The following COL23A1 variants were observed in gnomAD, a reference collection of about 807,000 sequenced individuals.
COL23A1 encodes collagen type XXIII alpha 1 chain.
COL23A1 carries 97 observed loss-of-function variants against 99.3 expected under a neutral mutation model. The observed-to-expected ratio is 0.98, with a 90% CI of 0.83 to 1.16. The LOEUF is 1.16. Among genes scored for constraint, COL23A1 ranks in the 50% most tolerant of loss-of-function variants. The pLI, the probability that COL23A1 is intolerant of heterozygous loss-of-function variation, is 0.00. For synonymous variants in COL23A1, 320 were observed against 308.2 expected, an observed-to-expected ratio of 1.04 and a Z score of -0.40; for missense variants, 762 against 757.4, an observed-to-expected ratio of 1.01 and a Z score of -0.07.
intron 2 of COL23A1, among the ~76,000 whole-genome samples, chr5:178,355,555 C>CA (rs1207915608): frequency 1.3e-5 from 2 of 152,126 alleles, no homozygotes; most frequent in South Asian, 2.1e-4. Context: ...TTTTTGGAGA[C>CA]AGAGTCTTGC....
At chr5:178,345,553 G>A (rs1760918012) in intron 2 of COL23A1, among the ~76,000 whole-genome samples, 1 of 148,534 alleles carries the variant, frequency 6.7e-6, no homozygotes, top group Non-Finnish European at 1.5e-5. Context: ...GTTTCGCTCT[G>A]CCACCCAGGC....
Position 178,560,672 on chromosome 5 carries a change from C to T in COL23A1, c.361+10G>A, listed in dbSNP as rs1051143388. ...CGCAGGAGCCAGAAGGGAGCTCAAC[C>T]TTCACTTACCTGGGGGGCAGACACA... On this transcript the variant is annotated intron_variant, in intron 2 of 28. Transcript: ENST00000390654. 2 of 1,610,868 alleles carry T rather than the reference C, an allele frequency of 1.2e-6. No individual in the cohort carries two copies. The highest frequency in any genetic ancestry group is 1.3e-5 in the African/African-American group (1 of 74,714).
At position 178,589,737 on chromosome 5, in the gene COL23A1, C is replaced by T. The variant is rs533508280; in HGVS notation, c.294+167G>A. Among the ~76,000 whole-genome samples the T allele has an allele frequency of 6.6e-6, 1 of 152,320 alleles. No individual in the cohort carries two copies. Among genetic ancestry groups the T allele is most frequent in the African/African-American group, 2.4e-5 (1 of 41,578 alleles). On this transcript the variant is annotated intron_variant, in intron 1 of 28. Transcript: ENST00000390654. The surrounding 1 kb of genome is among the most constrained non-coding windows in gnomAD (Gnocchi z 5.4). ...AACCCCTTGGGGCCGGCACCCCCTG[C>T]CTCCGCCTTGGCGCAGACGTGCCCA... is the stretch of plus-strand genomic sequence containing the variant.
chr5:178,245,830 C>A, intron 25 of COL23A1, 112 bp downstream of exon 25: 1 of 1,292,370 alleles, frequency 7.7e-7, no homozygotes, highest in South Asian at 1.3e-5. Context: ...AGTTGCAGTC[C>A]CAGCCCTGGG....
rs1031225415 is a variant in COL23A1 at position 178,313,063 on chromosome 5, C to T, written c.362-6144G>A. The stretch of plus-strand genomic sequence containing the variant: ...GCTGCAGCATGATGGGCCTGGAGGA[C>T]GTCACGCGATGGGAAGTAAGCCAGA... On this transcript the variant is annotated intron_variant, in intron 2 of 28. Coordinates refer to ENST00000390654, the MANE Select transcript of COL23A1 (RefSeq NM_173465.4). The surrounding 1 kb of genome is among the most constrained non-coding windows in gnomAD (Gnocchi z 4.2). 6.6e-5 allele frequency among the ~76,000 whole-genome samples: 10 copies of T among 152,144 alleles called. No individual in the cohort carries two copies. The highest frequency in any genetic ancestry group is 2.2e-4 in the African/African-American group (9 of 41,426).
At chr5:178,558,160 CT>C (rs1762381797) in intron 2 of COL23A1, among the ~76,000 whole-genome samples, 5 of 151,876 alleles carry the variant, frequency 3.3e-5, no homozygotes, top group Non-Finnish European at 7.4e-5. Context: ...GGGCCTCTTT[CT>C]AGAGGAGTTC....
chr5:178,244,091 C>T (rs900273231), intron 25 of COL23A1, among the ~76,000 whole-genome samples: 13 of 152,296 alleles, frequency 8.5e-5, no homozygotes, highest in East Asian at 1.9e-4. Context: ...GCCATCCTCC[C>T]GCCTCAGTCT....
chr5:178,556,512 A>T (rs1262419019), intron 2 of COL23A1, among the ~76,000 whole-genome samples: 3 of 151,844 alleles, frequency 2.0e-5, no homozygotes. Context: ...AGTCCCAGCT[A>T]CTTGGGAGGC....
intron 2 of COL23A1, among the ~76,000 whole-genome samples, chr5:178,333,110 AC>A (rs1760124946): frequency 6.6e-6 from 1 of 152,040 alleles, no homozygotes; most frequent in African/African-American, 2.4e-5. Context: ...GGCGCCTGCC[AC>A]CGTGCCCAGC....
chr5:178,561,018 AAGAGTTACGAC>A (rs1762533997), intron 1 of COL23A1, among the ~76,000 whole-genome samples: 2 of 152,224 alleles, frequency 1.3e-5, no homozygotes, highest in African/African-American at 4.8e-5. Flanking sequence ...ATAGAATACC[AAGAGTTACGAC>A]AGAAACAGCG....
Position 178,238,524 on chromosome 5 carries a change from C to T in COL23A1, c.*174G>A. On this transcript the variant is annotated 3_prime_UTR_variant, in exon 29 of 29. Coordinates refer to ENST00000390654, the MANE Select transcript of COL23A1 (RefSeq NM_173465.4). ...ACATCTCCCTGGTCTGGCCTGTCCACTTTCCGGCAGCTTCACATGCCGGTG... is the reference window on the plus strand; with the variant it reads ...ACATCTCCCTGGTCTGGCCTGTCCATTTTCCGGCAGCTTCACATGCCGGTG... 1.2e-6 allele frequency: 1 copy of T among 827,580 alleles called. No homozygotes were observed. The highest frequency in any genetic ancestry group is 1.9e-6 in the Non-Finnish European group (1 of 515,058). The allele number at this position is 827,580 out of a possible 1,614,324, so 51.3% of individuals were successfully genotyped here. A position where few individuals can be genotyped will look rare whatever the true frequency, so the allele number is the denominator to read the frequency against.
At chr5:178,351,291 T>G (rs1441443679) in intron 2 of COL23A1, 1 of 152,564 alleles carries the variant, frequency 6.6e-6, no homozygotes. Context: ...CAGCCTCCCG[T>G]GCTGGCAGTT....
chr5:178,503,706 A>G (rs1758705764), intron 2 of COL23A1, among the ~76,000 whole-genome samples: 1 of 152,208 alleles, frequency 6.6e-6, no homozygotes, highest in Non-Finnish European at 1.5e-5. Context: ...TAAAATTTAA[A>G]AAGGTGAACT....
At chr5:178,450,102 T>C (rs992709885) in intron 2 of COL23A1, among the ~76,000 whole-genome samples, 8 of 152,116 alleles carry the variant, frequency 5.3e-5, no homozygotes, top group African/African-American at 1.9e-4. Flanking sequence ...GGGAATTACA[T>C]ACCCTCACGG....
chr5:178,455,597 T>C (rs1186697290), intron 2 of COL23A1, among the ~76,000 whole-genome samples: 5 of 152,338 alleles, frequency 3.3e-5, no homozygotes, highest in African/African-American at 9.6e-5. Context: ...GGAGTCCCCC[T>C]GCATCAGCCT....
At chr5:178,360,294 T>C (rs367581884) in intron 2 of COL23A1, among the ~76,000 whole-genome samples, 1 of 152,226 alleles carries the variant, frequency 6.6e-6, no homozygotes, top group African/African-American at 2.4e-5. Flanking sequence ...AGAATAAGAA[T>C]AGAAACTGCG....
intron 2 of COL23A1, among the ~76,000 whole-genome samples, chr5:178,318,083 G>A (rs1204083150): frequency 1.3e-5 from 2 of 152,314 alleles, no homozygotes; most frequent in East Asian, 1.9e-4. Flanking sequence ...GACAAAGAGA[G>A]CCACAGGTAG....
intron 2 of COL23A1, among the ~76,000 whole-genome samples, chr5:178,485,851 G>A (rs1402512240): frequency 2.0e-5 from 3 of 150,470 alleles, no homozygotes; most frequent in Non-Finnish European, 4.4e-5. Flanking sequence ...TTGACATTAA[G>A]AAGAAAATCT....
intron 2 of COL23A1, among the ~76,000 whole-genome samples, chr5:178,454,062 G>A (rs924229622): frequency 3.9e-5 from 6 of 152,080 alleles, no homozygotes; most frequent in African/African-American, 1.2e-4. Context: ...CCCTCTGTCC[G>A]TCTTCATACG....
Sources: allele counts gnomAD v4.1 joint callset (sites outside exome capture counted in the v4.1 genomes callset), GRCh38; gene constraint gnomAD v4.1.1; non-coding constraint Gnocchi (gnomAD v3.1); transcripts MANE v1.5; gene names NCBI Gene and HGNC (gene_info 2026-07-23, HGNC 2026-07-21).